FREM3: variants seen among roughly 807,000 people sequenced by gnomAD.
FREM3 encodes the protein FRAS1 related extracellular matrix 3.
Under a neutral mutation model 129.1 loss-of-function variants are expected in FREM3, and 105 were observed. The observed-to-expected ratio is 0.81, with a 90% CI of 0.69 to 0.96. The LOEUF (loss-of-function observed/expected upper bound fraction) is 0.96, where lower values mean the gene tolerates loss of function less well. Among genes scored for constraint, FREM3 ranks in the 40% least tolerant of loss-of-function variants. The pLI is 0.00. For missense variants in FREM3, 2,593 were observed against 2,666.3 expected (o/e 0.97, Z 0.61); for synonymous variants, 1,014 against 1,044.9 (o/e 0.97, Z 0.57).
chr4:143,654,499 A>C (rs1739565306), intron 2 of FREM3, among the ~76,000 whole-genome samples: 1 of 152,244 alleles, frequency 6.6e-6, no homozygotes, highest in African/African-American at 2.4e-5. Context: ...CTGCTAGGAA[A>C]GAGTTTTCAT....
At chr4:143,595,336 A>T (rs1248618200) in intron 6 of FREM3, among the ~76,000 whole-genome samples, 1 of 152,192 alleles carries the variant, frequency 6.6e-6, no homozygotes, top group Non-Finnish European at 1.5e-5. Context: ...GAAAAGAAAG[A>T]CAATGCCCAT....
At chr4:143,652,998 G>A (rs925674928) in intron 2 of FREM3, among the ~76,000 whole-genome samples, 1 of 152,168 alleles carries the variant, frequency 6.6e-6, no homozygotes, top group African/African-American at 2.4e-5. Context: ...TTTGATACTA[G>A]AATGCAGCAA....
chr4:143,667,978 A>G (rs1261172026), intron 2 of FREM3, among the ~76,000 whole-genome samples: 2 of 152,260 alleles, frequency 1.3e-5, no homozygotes, highest in Non-Finnish European at 2.9e-5. Context: ...TTTATTAGAT[A>G]TGACTATAGT....
chr4:143,635,359 G>A (rs1739216032), intron 2 of FREM3, among the ~76,000 whole-genome samples: 4 of 152,248 alleles, frequency 2.6e-5, no homozygotes, highest in Non-Finnish European at 2.9e-5. Flanking sequence ...GCTATATTAA[G>A]CTGTTGTAGC....
At position 143,697,730 on chromosome 4, in the gene FREM3, C is replaced by G. The variant is rs1464341205; in HGVS notation, c.2946G>C (p.Leu982Phe). Residue 982 changes from leucine (L) to phenylalanine (F), a missense_variant, in exon 1 of 8, where the codon TTG becomes TTC. By Grantham distance (22) the Leu-to-Phe change is conservative. Transcript: ENST00000329798. ...IHGKRKDVGDLMLSFIVKDSP... is the reference protein window; with the variant it reads ...IHGKRKDVGDFMLSFIVKDSP... Reference sequence around the variant, plus strand: ...TGTCCTTTACAATGAAAGACAGCATCAAGTCACCTACATCCTTCCTTTTGC... The same window carrying G: ...TGTCCTTTACAATGAAAGACAGCATGAAGTCACCTACATCCTTCCTTTTGC... The G allele has an allele frequency of 6.5e-7, 1 of 1,537,638 alleles. No individual in the cohort carries two copies. The highest frequency in any genetic ancestry group is 1.2e-5 in the South Asian group (1 of 84,056).
intron 2 of FREM3, among the ~76,000 whole-genome samples, chr4:143,670,120 T>C (rs552751600): frequency 6.6e-6 from 1 of 152,324 alleles, no homozygotes; most frequent in South Asian, 2.1e-4. Flanking sequence ...CTCATCAAAT[T>C]GTTTCTTCAT....
intron 2 of FREM3, among the ~76,000 whole-genome samples, chr4:143,634,014 A>T (rs887217581): frequency 6.6e-6 from 1 of 152,164 alleles, no homozygotes; most frequent in East Asian, 1.9e-4. Context: ...TGTAAAAAAA[A>T]TGACTCACAG....
intron 2 of FREM3, 139 bp from the exon 3 acceptor site, chr4:143,627,899 A>G (rs1431322928): frequency 1.6e-6 from 1 of 633,698 alleles, no homozygotes; most frequent in African/African-American, 1.9e-5. Context: ...TTTGGTAGAG[A>G]GAGGAAATGT....
chr4:143,604,179 C>T (rs1005995129), intron 6 of FREM3, among the ~76,000 whole-genome samples: 6 of 152,164 alleles, frequency 3.9e-5, no homozygotes, highest in African/African-American at 1.4e-4. Context: ...GCTCCCCTTC[C>T]CCTTCTGCCA....
At chr4:143,584,101 A>C (rs1738194766) in intron 7 of FREM3, among the ~76,000 whole-genome samples, 1 of 152,260 alleles carries the variant, frequency 6.6e-6, no homozygotes, top group Admixed American at 6.5e-5. Context: ...GTTCAAAGTA[A>C]AGGGATGGAG....
chr4:143,677,375 C>G (rs1223319779), intron 2 of FREM3, among the ~76,000 whole-genome samples: 1 of 152,112 alleles, frequency 6.6e-6, no homozygotes, highest in Non-Finnish European at 1.5e-5. Context: ...TTCCTTGCAC[C>G]TTATACAAAA....
intron 5 of FREM3, among the ~76,000 whole-genome samples, chr4:143,619,843 G>A (rs560820204): frequency 5.7e-4 from 86 of 152,080 alleles, no homozygotes; most frequent in African/African-American, 1.8e-3. Context: ...TGCACCATCA[G>A]TGTTTACAAA....
intron 5 of FREM3, among the ~76,000 whole-genome samples, chr4:143,619,407 T>C (rs775836456): frequency 6.6e-6 from 1 of 152,194 alleles, no homozygotes; most frequent in Non-Finnish European, 1.5e-5. Flanking sequence ...GCAAAACCTG[T>C]CACCACAGTG....
chr4:143,592,365 G>T (rs1269966326), intron 6 of FREM3, among the ~76,000 whole-genome samples: 1 of 151,102 alleles, frequency 6.6e-6, no homozygotes, highest in Non-Finnish European at 1.5e-5. Flanking sequence ...GCATGTTTTT[G>T]CAGTGGCTGG....
At chr4:143,629,318 G>A (rs542601340) in intron 2 of FREM3, among the ~76,000 whole-genome samples, 10 of 152,130 alleles carry the variant, frequency 6.6e-5, no homozygotes, top group East Asian at 1.9e-4. Flanking sequence ...GCCCTCCTTC[G>A]CACTGCAGGT....
intron 6 of FREM3, among the ~76,000 whole-genome samples, chr4:143,593,879 C>G (rs1738414811): frequency 6.6e-6 from 1 of 152,244 alleles, no homozygotes; most frequent in African/African-American, 2.4e-5. Context: ...GTGGTGGGCT[C>G]TACCCAGTTT....
At chr4:143,631,560 G>A (rs1341940880) in intron 2 of FREM3, among the ~76,000 whole-genome samples, 2 of 152,132 alleles carry the variant, frequency 1.3e-5, no homozygotes, top group African/African-American at 4.8e-5. Context: ...CCTAGTGTGT[G>A]CATTGACCTT....
chr4:143,676,809 A>G (rs188281125), intron 2 of FREM3, among the ~76,000 whole-genome samples: 1 of 152,142 alleles, frequency 6.6e-6, no homozygotes, highest in Non-Finnish European at 1.5e-5. Context: ...CAAAGAGAAT[A>G]AAATACCTAA....
At chr4:143,615,112 G>A (rs1738821716) in intron 5 of FREM3, among the ~76,000 whole-genome samples, 1 of 152,126 alleles carries the variant, frequency 6.6e-6, no homozygotes, top group South Asian at 2.1e-4. Flanking sequence ...TCCTATTAAG[G>A]AACTACACTA....
Sources: gnomAD v4.1 joint callset for allele counts (sites outside exome capture counted in the v4.1 genomes callset) on GRCh38, gnomAD v4.1.1 for gene constraint, MANE v1.5 for transcripts, NCBI Gene and HGNC (gene_info 2026-07-23, HGNC 2026-07-21) for gene names.